The following NGFR variants were observed in gnomAD, a reference collection of about 807,000 sequenced individuals.
The protein encoded by NGFR is tumor necrosis factor receptor superfamily member 16.
In NGFR, 30 loss-of-function variants were observed where a neutral mutation model predicts 43.2. The ratio of observed to expected loss-of-function variants is 0.69; its 90% CI spans 0.52 to 0.94. The LOEUF (loss-of-function observed/expected upper bound fraction) is 0.94, where lower values mean the gene tolerates loss of function less well. Among genes scored for constraint, NGFR ranks in the 40% least tolerant of loss-of-function variants. The pLI is 0.00. For missense variants in NGFR, 529 were observed against 602.5 expected (o/e 0.88, Z 1.28); for synonymous variants, 246 against 259.6 (o/e 0.95, Z 0.50).
At position 49,513,052 on chromosome 17, in the gene NGFR, C is replaced by T. The variant is rs1307859197; in HGVS notation, c.*43C>T. ...CCGCCCCGCCCCACATTCCGACAACCGATGCTCCAGCCAACCCCTGTGGAG... is the reference window on the plus strand; with the variant it reads ...CCGCCCCGCCCCACATTCCGACAACTGATGCTCCAGCCAACCCCTGTGGAG... On this transcript the variant is annotated 3_prime_UTR_variant, in exon 6 of 6. Coordinates refer to ENST00000172229, the MANE Select transcript of NGFR (RefSeq NM_002507.4). 11 of 1,464,360 alleles carry T rather than the reference C, an allele frequency of 7.5e-6. No individual in the cohort carries two copies. Among genetic ancestry groups the T allele is most frequent in the South Asian group, 4.1e-5 (3 of 72,786 alleles). 90.7% of individuals were successfully genotyped at this position (1,464,360 alleles called of 1,614,324 possible).
In NGFR at chr17:49,502,109, C is replaced by T; in HGVS notation, c.113C>T (p.Thr38Ile). 1 of 1,604,494 alleles carries T rather than the reference C, an allele frequency of 6.2e-7. No individual in the cohort carries two copies. ...AKEACPTGLY[T>I]HSGECCKACN... ...GAGGCATGCCCCACAGGCCTGTACA[C>T]ACACAGCGGTGAGTGCTGCAAAGCC... Residue 38 changes from threonine (T) to isoleucine (I), a missense_variant, in exon 2 of 6, where the codon ACA becomes ATA. Coordinates refer to ENST00000172229, the MANE Select transcript of NGFR (RefSeq NM_002507.4).
In NGFR at chr17:49,514,828, A is replaced by G. The variant is rs1429195405; in HGVS notation, c.*1819A>G. On this transcript the variant is annotated 3_prime_UTR_variant, in exon 6 of 6. Transcript: ENST00000172229. Reference sequence around the variant, plus strand: ...GTGTTTGGTTCTGGGGCCCCTTTTTACTCCCCTTGAGCTGAGATGGAACCC... The same window carrying G: ...GTGTTTGGTTCTGGGGCCCCTTTTTGCTCCCCTTGAGCTGAGATGGAACCC... 1 of 147,680 alleles carries G rather than the reference A, an allele frequency of 6.8e-6. No individual in the cohort carries two copies. The highest frequency in any genetic ancestry group is 1.5e-5 in the Non-Finnish European group (1 of 66,992). 9.1% of individuals were successfully genotyped at this position (147,680 alleles called of 1,614,324 possible).
chr17:49,513,318 C>T lies in NGFR; in HGVS notation c.*309C>T, dbSNP rs2071247615. 1 of 410,420 alleles carries T rather than the reference C, an allele frequency of 2.4e-6. No homozygotes were observed. Among genetic ancestry groups the T allele is most frequent in the Non-Finnish European group, 4.4e-6 (1 of 227,944 alleles). The allele number at this position is 410,420 out of a possible 1,614,324, so 25.4% of individuals were successfully genotyped here. On this transcript the variant is annotated 3_prime_UTR_variant, in exon 6 of 6. Transcript: ENST00000172229. ...CTCCCACACTGCTAGGTGGGCCAGC[C>T]CCTCCCACCACAGCAGGTGTCATAT...
Position 49,514,089 on chromosome 17 carries a change from T to G in NGFR, c.*1080T>G, listed in dbSNP as rs1196041151. 1 of 152,422 alleles carries G rather than the reference T, an allele frequency of 6.6e-6. No individual in the cohort carries two copies. The highest frequency in any genetic ancestry group is 1.5e-5 in the Non-Finnish European group (1 of 68,222). 9.4% of individuals were successfully genotyped at this position (152,422 alleles called of 1,614,324 possible). The stretch of plus-strand genomic sequence containing the variant: ...ACACACAGGAGGAGAAATCTCACTT[T>G]TCTCCATGAGTTTTTTCTCTTGGGC... On this transcript the variant is annotated 3_prime_UTR_variant, in exon 6 of 6. Coordinates refer to ENST00000172229, the MANE Select transcript of NGFR (RefSeq NM_002507.4).
At chr17:49,500,286 G>A (rs1203640604) in intron 1 of NGFR, among the ~76,000 whole-genome samples, 3 of 152,168 alleles carry the variant, frequency 2.0e-5, no homozygotes, top group African/African-American at 2.4e-5. Flanking sequence ...CTGGAATCTC[G>A]GCTAACCAAC....
In NGFR at chr17:49,513,583, C is replaced by A; in HGVS notation, c.*574C>A. ...TTTTCGAAGCTCAGCCCACCCCCCTCATTTTGGATATAGGTCAGTGAGGCC... is the reference window on the plus strand; with the variant it reads ...TTTTCGAAGCTCAGCCCACCCCCCTAATTTTGGATATAGGTCAGTGAGGCC... On this transcript the variant is annotated 3_prime_UTR_variant, in exon 6 of 6. Transcript: ENST00000172229. 6.5e-6 allele frequency: 1 copy of A among 153,282 alleles called. No individual in the cohort carries two copies. The highest frequency in any genetic ancestry group is 1.5e-5 in the Non-Finnish European group (1 of 68,742). 9.5% of individuals were successfully genotyped at this position (153,282 alleles called of 1,614,324 possible). A position where few individuals can be genotyped will look rare whatever the true frequency, so the allele number is the denominator to read the frequency against.
chr17:49,513,006 G>A lies in NGFR; in HGVS notation c.1281G>A (p.Val427=), dbSNP rs756122139. 3 of 1,554,398 alleles carry A rather than the reference G, an allele frequency of 1.9e-6. No individual in the cohort carries two copies. The change falls in exon 6 of 6, where the codon GTG becomes GTA. Residue 427 remains valine, a synonymous_variant. Coordinates refer to ENST00000172229, the MANE Select transcript of NGFR (RefSeq NM_002507.4). The part of the protein sequence containing the change: ...LCSESTATSP[V] ...GTGAGTCCACTGCCACATCCCCGGT[G>A]TGAGCCCAACCGGGGAGCCCCCGCC...
chr17:49,507,471 C>T (rs2071206934), intron 3 of NGFR, among the ~76,000 whole-genome samples: 1 of 152,178 alleles, frequency 6.6e-6, no homozygotes, highest in Non-Finnish European at 1.5e-5. Context: ...GCTGTCAGCT[C>T]CAGGGATGGA....
intron 1 of NGFR, among the ~76,000 whole-genome samples, chr17:49,499,404 T>G (rs931620092): frequency 3.9e-5 from 6 of 152,174 alleles, no homozygotes; most frequent in African/African-American, 1.4e-4. Context: ...TATTTACTTG[T>G]GTAATACTTA....
intron 3 of NGFR, among the ~76,000 whole-genome samples, chr17:49,509,778 G>T (rs11466152): frequency 0.014 from 2,154 of 152,280 alleles, 66 homozygotes; most frequent in African/African-American, 0.047. Flanking sequence ...CTGGAGGGAG[G>T]CAATCCAGCT....
At chr17:49,507,635 C>G (rs2071208004) in intron 3 of NGFR, among the ~76,000 whole-genome samples, 1 of 152,198 alleles carries the variant, frequency 6.6e-6, no homozygotes, top group South Asian at 2.1e-4. Flanking sequence ...GTGGGCTTTT[C>G]CACTTCGGGG....
chr17:49,500,491 C>G (rs1053197188), intron 1 of NGFR, among the ~76,000 whole-genome samples: 1 of 152,174 alleles, frequency 6.6e-6, no homozygotes, highest in African/African-American at 2.4e-5. Context: ...GCAGAGAGAA[C>G]CGGAGAACAG....
In NGFR at chr17:49,506,590, G is replaced by A. The variant is rs1288733699; in HGVS notation, c.500G>A (p.Cys167Tyr). 6.2e-7 allele frequency: 1 copy of A among 1,609,540 alleles called. No homozygotes were observed. Among genetic ancestry groups the A allele is most frequent in the African/African-American group, 1.3e-5 (1 of 74,852 alleles). Residue 167 changes from cysteine (C) to tyrosine (Y), a missense_variant, in exon 3 of 6, where the codon TGC becomes TAC. Coordinates refer to ENST00000172229, the MANE Select transcript of NGFR (RefSeq NM_002507.4). ...EANHVDPCLP[C>Y]TVCEDTERQL... is the part of the protein sequence containing the mutation. ...AACCACGTGGACCCGTGCCTGCCCT[G>A]CACCGTGTGCGAGGACACCGAGCGC...
Position 49,512,863 on chromosome 17 carries a change from GCCTGCCCCGTTCGCGC to G in NGFR, c.1144_1159del (p.Pro382LeufsTer79). The G allele has an allele frequency of 6.2e-7, 1 of 1,613,346 alleles. No individual in the cohort carries two copies. On this transcript the variant is annotated frameshift_variant, in exon 6 of 6. Coordinates refer to ENST00000172229, the MANE Select transcript of NGFR (RefSeq NM_002507.4). LOFTEE classifies it high-confidence loss of function. The surrounding 1 kb of genome is among the most constrained non-coding windows in gnomAD (Gnocchi z 5.2). ...GCACATAGACTCCTTTACCCATGAG[GCCTGCCCCGTTCGCGC>G]CCTGCTTGCAAGCTGGGCCACCCAG...
In NGFR at chr17:49,513,795, C is replaced by T. The variant is rs1355074931; in HGVS notation, c.*786C>T. On this transcript the variant is annotated 3_prime_UTR_variant, in exon 6 of 6. Coordinates refer to ENST00000172229, the MANE Select transcript of NGFR (RefSeq NM_002507.4). ...CTTCCACGCTGTCTCCAGACCCCCA[C>T]CCCTTCCCCACTGCCTGCCCACCCG... 2 of 152,450 alleles carry T rather than the reference C, an allele frequency of 1.3e-5. No individual in the cohort carries two copies. Among genetic ancestry groups the T allele is most frequent in the Non-Finnish European group, 2.9e-5 (2 of 68,170 alleles). The allele number at this position is 152,450 out of a possible 1,614,324, so 9.4% of individuals were successfully genotyped here. A position where few individuals can be genotyped will look rare whatever the true frequency, so the allele number is the denominator to read the frequency against.
chr17:49,513,261 C>G lies in NGFR; in HGVS notation c.*252C>G, dbSNP rs2071247135. On this transcript the variant is annotated 3_prime_UTR_variant, in exon 6 of 6. Coordinates refer to ENST00000172229, the MANE Select transcript of NGFR (RefSeq NM_002507.4). The stretch of plus-strand genomic sequence containing the variant: ...TGCTGCCTCCCCAACCCTGCCCCTG[C>G]CCCGTCACCATCTCAGGCCACCTGC... 1 of 498,586 alleles carries G rather than the reference C, an allele frequency of 2.0e-6. No homozygotes were observed. Among genetic ancestry groups the G allele is most frequent in the Non-Finnish European group, 3.5e-6 (1 of 284,218 alleles). The allele number at this position is 498,586 out of a possible 1,614,324, so 30.9% of individuals were successfully genotyped here. A position where few individuals can be genotyped will look rare whatever the true frequency, so the allele number is the denominator to read the frequency against.
chr17:49,501,999 A>AGGCGCCCCCCCCCCCCC, intron 1 of NGFR, 64 bp from the exon 2 acceptor site: 1 of 330,984 alleles, frequency 3.0e-6, no homozygotes. Flanking sequence ...TCCCCGGAAG[A>AGGCGCCCCCCCCCCCCC]ACCCCCCCCA....
Position 49,512,813 on chromosome 17 carries a change from CGGG to C in NGFR, c.1089_1091del (p.Gly364del). On this transcript the variant is annotated inframe_deletion, in exon 6 of 6. Coordinates refer to ENST00000172229, the MANE Select transcript of NGFR (RefSeq NM_002507.4). The surrounding 1 kb of genome is among the most constrained non-coding windows in gnomAD (Gnocchi z 5.2). ...GCGGGGGACACCTGGCGGCACCTGG[CGGG>C]CGAGCTGGGCTACCAGCCCGAGCAC... The C allele has an allele frequency of 1.2e-6, 2 of 1,613,430 alleles. No individual in the cohort carries two copies.
chr17:49,502,279 G>A (rs2071171715), intron 2 of NGFR, 75 bp downstream of exon 2: 1 of 1,484,536 alleles, frequency 6.7e-7, no homozygotes, highest in African/African-American at 1.4e-5. Context: ...AGGGGCGCTG[G>A]GGAGAAGCAT....
Sources: gnomAD v4.1 joint callset for allele counts (sites outside exome capture counted in the v4.1 genomes callset) on GRCh38, gnomAD v4.1.1 for gene constraint, Gnocchi (gnomAD v3.1) non-coding constraint, MANE v1.5 for transcripts, NCBI Gene and HGNC (gene_info 2026-07-23, HGNC 2026-07-21) for gene names.